KLF12: variants seen among roughly 807,000 people sequenced by gnomAD.
The protein encoded by KLF12 is KLF transcription factor 12, also known as Krueppel-like factor 12.
A neutral mutation model predicts 37.8 loss-of-function variants in KLF12; 9 were observed. The ratio of observed to expected loss-of-function variants is 0.24; its 90% CI spans 0.14 to 0.42. The LOEUF (loss-of-function observed/expected upper bound fraction) is 0.42, where lower values mean the gene tolerates loss of function less well. KLF12 is among the 10% of genes least tolerant of loss of function. The pLI is 1.00. For missense variants in KLF12, 411 were observed against 516.0 expected (o/e 0.80, Z 1.97); for synonymous variants, 208 against 202.1 (o/e 1.03, Z -0.25).
rs1237334457 is a variant in KLF12, at chr13:73,691,990, T to G, written c.*3500A>C. ...TTCCCCTGACAATCATCTTCCTTTT[T>G]CCCACTTAAGCTTTCAAGTGAATGA... is the stretch of plus-strand genomic sequence containing the variant. On this transcript the variant is annotated 3_prime_UTR_variant, in exon 8 of 8. Transcript: ENST00000377669. The G allele has an allele frequency of 6.6e-6, 1 of 152,628 alleles. No individual in the cohort carries two copies. Among genetic ancestry groups the G allele is most frequent in the Non-Finnish European group, 1.5e-5 (1 of 68,028 alleles). The allele number at this position is 152,628 out of a possible 1,614,324, so 9.5% of individuals were successfully genotyped here. A position where few individuals can be genotyped will look rare whatever the true frequency, so the allele number is the denominator to read the frequency against.
chr13:73,785,062 C>CT (rs1245035981), intron 5 of KLF12, among the ~76,000 whole-genome samples: 1 of 151,700 alleles, frequency 6.6e-6, no homozygotes, highest in African/African-American at 2.4e-5. Context: ...AGAAATTAGT[C>CT]TTTTTTCCTC....
chr13:74,113,788 C>A (rs1877120505), intron 1 of KLF12, among the ~76,000 whole-genome samples: 1 of 152,200 alleles, frequency 6.6e-6, no homozygotes, highest in Non-Finnish European at 1.5e-5. Context: ...TAAAGATATA[C>A]TTGCCATAGA....
chr13:73,977,757 T>G (rs1200829042), intron 2 of KLF12, among the ~76,000 whole-genome samples: 1 of 152,226 alleles, frequency 6.6e-6, no homozygotes. Context: ...CAGTCTGGTC[T>G]TGGCAAAAGA....
At chr13:73,961,120 T>C (rs1427556260) in intron 2 of KLF12, among the ~76,000 whole-genome samples, 2 of 152,128 alleles carry the variant, frequency 1.3e-5, no homozygotes, top group Non-Finnish European at 2.9e-5. Context: ...ATCACAACAA[T>C]TAGATTCTGC....
chr13:74,026,157 GA>G (rs5804710), intron 1 of KLF12, among the ~76,000 whole-genome samples: 95,178 of 140,198 alleles, frequency 0.68, 31,204 homozygotes, highest in East Asian at 0.84. Context: ...AGATTTTGAA[GA>G]AAAAAAAAAA....
chr13:74,062,450 G>C (rs1483817980), intron 1 of KLF12, among the ~76,000 whole-genome samples: 1 of 152,140 alleles, frequency 6.6e-6, no homozygotes, highest in Non-Finnish European at 1.5e-5. Flanking sequence ...ATTCATTTAT[G>C]CTTTTCTCTT....
At chr13:74,068,582 A>T (rs1201428833) in intron 1 of KLF12, among the ~76,000 whole-genome samples, 1 of 140,702 alleles carries the variant, frequency 7.1e-6, no homozygotes, top group East Asian at 2.0e-4. Context: ...TTTGAGACTG[A>T]GCTCTGCTCT....
intron 6 of KLF12, 119 bp from the exon 7 acceptor site, chr13:73,715,644 A>G (rs1875746953): frequency 1.0e-6 from 1 of 975,736 alleles, no homozygotes; most frequent in East Asian, 2.5e-5. Context: ...CACCATGACC[A>G]CAGTTCTTGC....
chr13:74,261,262 C>T, the KLF12 span, among the ~76,000 whole-genome samples: 2 of 152,020 alleles, frequency 1.3e-5, no homozygotes, highest in Non-Finnish European at 2.9e-5. Context: ...GTTGTGTTTC[C>T]CTGGTATAAA....
At chr13:74,210,782 T>G in the KLF12 span, among the ~76,000 whole-genome samples, 2 of 152,292 alleles carry the variant, frequency 1.3e-5, no homozygotes, top group African/African-American at 4.8e-5. Flanking sequence ...CTGTAATAAA[T>G]TATTTCTATT....
intron 1 of KLF12, among the ~76,000 whole-genome samples, chr13:74,061,013 C>A (rs1873561658): frequency 6.6e-6 from 1 of 152,180 alleles, no homozygotes; most frequent in Admixed American, 6.5e-5. Context: ...CCCTGGGTTA[C>A]CATGTGTGGT....
intron 1 of KLF12, among the ~76,000 whole-genome samples, chr13:74,092,473 A>C (rs1875730330): frequency 6.6e-6 from 1 of 150,712 alleles, no homozygotes; most frequent in African/African-American, 2.4e-5. Context: ...AAAAAAAAAA[A>C]ATTAGCCGGG....
the KLF12 span, among the ~76,000 whole-genome samples, chr13:74,168,908 A>G: frequency 6.6e-6 from 1 of 152,236 alleles, no homozygotes. Context: ...ATGTGAAAGT[A>G]TTAGGGATTG....
chr13:74,141,052 G>A, the KLF12 span, among the ~76,000 whole-genome samples: 3 of 151,940 alleles, frequency 2.0e-5, no homozygotes, highest in African/African-American at 4.8e-5. Flanking sequence ...GTGACAGAGG[G>A]AGACTGTCTC....
chr13:74,167,658 A>G, the KLF12 span, among the ~76,000 whole-genome samples: 8 of 152,208 alleles, frequency 5.3e-5, no homozygotes, highest in Non-Finnish European at 8.8e-5. Context: ...CAAGTAGCTA[A>G]CATATGCCAG....
At chr13:73,780,997 A>G (rs1880929687) in intron 5 of KLF12, among the ~76,000 whole-genome samples, 1 of 152,226 alleles carries the variant, frequency 6.6e-6, no homozygotes, top group Non-Finnish European at 1.5e-5. Context: ...GGCAGTCTCC[A>G]TGGACGCAGC....
chr13:73,802,594 C>T (rs954875955), intron 5 of KLF12, among the ~76,000 whole-genome samples: 63 of 152,030 alleles, frequency 4.1e-4, no homozygotes, highest in African/African-American at 1.5e-3. Flanking sequence ...AGCATAGTAC[C>T]CAAGAGTTAA....
At chr13:74,121,801 A>G (rs1208729181) in intron 1 of KLF12, among the ~76,000 whole-genome samples, 4 of 152,160 alleles carry the variant, frequency 2.6e-5, no homozygotes, top group South Asian at 4.1e-4. Flanking sequence ...GAAAATTTAT[A>G]AAGAAATCCA....
At chr13:73,948,685 A>G (rs931741551) in intron 2 of KLF12, among the ~76,000 whole-genome samples, 2 of 152,204 alleles carry the variant, frequency 1.3e-5, no homozygotes, top group African/African-American at 2.4e-5. Context: ...TTCTACCCTA[A>G]CAACCACAAA....
Sources: allele counts gnomAD v4.1 joint callset (sites outside exome capture counted in the v4.1 genomes callset), GRCh38; gene constraint gnomAD v4.1.1; transcripts MANE v1.5; gene names NCBI Gene and HGNC (gene_info 2026-07-23, HGNC 2026-07-21).